ACE: variants seen among roughly 807,000 people sequenced by gnomAD.
ACE encodes angiotensin-converting enzyme.
ACE carries 122 observed loss-of-function variants against 162.3 expected under a neutral mutation model. The observed-to-expected ratio is 0.75, with a 90% CI of 0.65 to 0.87. ACE has a LOEUF of 0.87. ACE is among the 40% of genes least tolerant of loss of function. The pLI, the probability that ACE is intolerant of heterozygous loss-of-function variation, is 0.00. For synonymous variants in ACE, 796 were observed against 720.6 expected, an observed-to-expected ratio of 1.10 and a Z score of -1.68; for missense variants, 1,799 against 1,735.1, an observed-to-expected ratio of 1.04 and a Z score of -0.65.
chr17:63,477,469 C>G (rs1356729892), intron 1 of ACE, 126 bp downstream of exon 1: 2 of 755,242 alleles, frequency 2.6e-6, no homozygotes, highest in Non-Finnish European at 3.3e-6. Flanking sequence ...CGGACCCTCG[C>G]CCCGACAGTC....
chr17:63,491,122 C>G lies in ACE; in HGVS notation c.2739+71C>G. 1.2e-6 allele frequency: 2 copies of G among 1,610,474 alleles called. No individual in the cohort carries two copies. Among genetic ancestry groups the G allele is most frequent in the South Asian group, 2.2e-5 (2 of 90,984 alleles). ...GACCCTCTGATTCAGGAGTTCCCTC[C>G]AGTTTAGCCCTCCCCCGGGATCCCC... On this transcript the variant is annotated intron_variant, in intron 18 of 24. Transcript: ENST00000290866. The surrounding 1 kb of genome is among the most constrained non-coding windows in gnomAD (Gnocchi z 4.4).
chr17:63,491,283 T>A lies in ACE; in HGVS notation c.2814T>A (p.Pro938=). The A allele has an allele frequency of 6.2e-7, 1 of 1,614,144 alleles. No individual in the cohort carries two copies. Among genetic ancestry groups the A allele is most frequent in the Non-Finnish European group, 8.5e-7 (1 of 1,180,028 alleles). Residue 938 remains proline (P), a synonymous_variant, in exon 19 of 25, where the codon CCT becomes CCA. Coordinates refer to ENST00000290866, the MANE Select transcript of ACE (RefSeq NM_000789.4). This position sits in a 1 kb window ranked among gnomAD's most constrained non-coding sequence, Gnocchi z 4.4. ...FTSLGLLPVP[P]EFWNKSMLEK... The stretch of plus-strand genomic sequence containing the variant: ...CCCTGGGGCTGCTGCCCGTGCCTCC[T>A]GAGTTCTGGAACAAGTCGATGCTGG...
chr17:63,478,242 A>G, intron 2 of ACE, 144 bp downstream of exon 2: 1 of 1,068,132 alleles, frequency 9.4e-7, no homozygotes, highest in Non-Finnish European at 1.3e-6. Flanking sequence ...TAAGCACAGA[A>G]TGGCTTTCTG....
At position 63,485,000 on chromosome 17, in the gene ACE, G is replaced by C; in HGVS notation, c.1922-236G>C. ...AGTCACCCATGGGACAAGCAGCCAG[G>C]CAACAACCAGCAGCCAGACAACCAC... On this transcript the variant is annotated intron_variant, in intron 12 of 24. Coordinates refer to ENST00000290866, the MANE Select transcript of ACE (RefSeq NM_000789.4). This position sits in a 1 kb window ranked among gnomAD's most constrained non-coding sequence, Gnocchi z 4.0. 6.2e-7 allele frequency: 1 copy of C among 1,610,282 alleles called. No individual in the cohort carries two copies. Among genetic ancestry groups the C allele is most frequent in the South Asian group, 1.1e-5 (1 of 90,324 alleles).
chr17:63,483,266 C>T lies in ACE; in HGVS notation c.1487+93C>T, dbSNP rs368562227. On this transcript the variant is annotated intron_variant, in intron 9 of 24. Coordinates refer to ENST00000290866, the MANE Select transcript of ACE (RefSeq NM_000789.4). ...CTCCTGCCCCAGCCAGTTCTAGCCT[C>T]TCCTCTCTAATGATGTCCCCCGCTG... 23 of 1,600,130 alleles carry T rather than the reference C, an allele frequency of 1.4e-5. No individual in the cohort carries two copies. In the East Asian group the frequency reaches 1.8e-4, roughly 12 times the overall value.
chr17:63,491,771 A>G lies in ACE; in HGVS notation c.2912+390A>G, dbSNP rs2030401511. Among the ~76,000 whole-genome samples, 1 of 152,050 alleles carries G rather than the reference A, an allele frequency of 6.6e-6. No individual in the cohort carries two copies. Among genetic ancestry groups the G allele is most frequent in the Non-Finnish European group, 1.5e-5 (1 of 67,986 alleles). ...GGGTGCTCTGTACAGATCCACTCTC[A>G]CCCCTGACAGGCTCAGAAGCTGCCT... On this transcript the variant is annotated intron_variant, in intron 19 of 24. Transcript: ENST00000290866. The surrounding 1 kb of genome is among the most constrained non-coding windows in gnomAD (Gnocchi z 4.4).
intron 2 of ACE, chr17:63,478,349 G>A: frequency 3.7e-6 from 2 of 545,550 alleles, no homozygotes; most frequent in South Asian, 4.2e-5. Context: ...TTCTCCCTAG[G>A]CTGGTTTATG....
At chr17:63,480,979 C>A in intron 5 of ACE, 112 bp from the exon 6 acceptor site, 1 of 1,026,604 alleles carries the variant, frequency 9.7e-7, no homozygotes, top group South Asian at 1.3e-5. Context: ...GGCCTGCAGC[C>A]CTTGAGGGCC....
chr17:63,483,567 G>GCGGGGGGGCGCCCCCCCCCCC lies in ACE; in HGVS notation c.1586+10_1586+11insGGGGGGGCGCCCCCCCCCCCC. The GCGGGGGGGCGCCCCCCCCCCC allele has an allele frequency of 1.9e-6, 3 of 1,589,580 alleles. No homozygotes were observed. The highest frequency in any genetic ancestry group is 1.1e-5 in the South Asian group (1 of 90,218). On this transcript the variant is annotated intron_variant, in intron 10 of 24. Transcript: ENST00000290866. ...GTGACACCATACATCAGGTATTAGCGCCCCCACCCCACCCACCCCCAGTAC... is the reference window on the plus strand; with the variant it reads ...GTGACACCATACATCAGGTATTAGCGCGGGGGGGCGCCCCCCCCCCCCCCCCACCCCACCCACCCCCAGTAC...
Position 63,480,363 on chromosome 17 carries a change from C to T in ACE, c.682C>T (p.Arg228Cys), listed in dbSNP as rs141543325. The change falls in exon 5 of 25, where the codon CGC (arginine) becomes TGC (cysteine). Residue 228 changes from arginine to cysteine, a missense_variant. Coordinates refer to ENST00000290866, the MANE Select transcript of ACE (RefSeq NM_000789.4). ...DGFTDTGAYW[R>C]SWYNSPTFED... ...CTTCACAGACACGGGGGCCTACTGG[C>T]GCTCCTGGTACAACTCCCCCACCTT... is the stretch of plus-strand genomic sequence containing the variant. The T allele has an allele frequency of 5.9e-4, 947 of 1,614,024 alleles. 2 individuals carry two copies. Among genetic ancestry groups the T allele is most frequent in the Non-Finnish European group, 7.5e-4 (886 of 1,180,024 alleles).
intron 13 of ACE, 29 bp from the exon 14 acceptor site, chr17:63,486,528 C>T: frequency 6.2e-7 from 1 of 1,613,272 alleles, no homozygotes; most frequent in African/African-American, 1.3e-5. Flanking sequence ...GCTCCTGGGC[C>T]CTGTGACACC....
intron 2 of ACE, 109 bp from the exon 3 acceptor site, chr17:63,478,898 G>A (rs2049661340): frequency 3.2e-5 from 29 of 906,068 alleles, no homozygotes; most frequent in South Asian, 2.2e-4. Context: ...CCACTGAGTG[G>A]CCTTGTCCAA....
intron 13 of ACE, chr17:63,486,352 A>T (rs1367813359): frequency 1.6e-6 from 1 of 628,946 alleles, no homozygotes; most frequent in East Asian, 2.8e-5. Flanking sequence ...GTGTTGCTTG[A>T]CCGCAGGCAT....
Position 63,493,447 on chromosome 17 carries a change from G to C in ACE, c.2924G>C (p.Cys975Ser). ...YNGKDFRIKQ[C>S]TTVNLEDLVV... ...TCCACTATTCCTAGGATCAAGCAGTGCACCACCGTGAACTTGGAGGACCTG... is the reference window on the plus strand; with the variant it reads ...TCCACTATTCCTAGGATCAAGCAGTCCACCACCGTGAACTTGGAGGACCTG... The change falls in exon 20 of 25, where the codon TGC becomes TCC. Residue 975 changes from cysteine to serine, a missense_variant. Coordinates refer to ENST00000290866, the MANE Select transcript of ACE (RefSeq NM_000789.4). 2 of 1,613,954 alleles carry C rather than the reference G, an allele frequency of 1.2e-6. No homozygotes were observed. The highest frequency in any genetic ancestry group is 1.7e-6 in the Non-Finnish European group (2 of 1,179,970).
chr17:63,486,922 G>C, intron 14 of ACE, 64 bp from the exon 15 acceptor site: 2 of 1,507,298 alleles, frequency 1.3e-6, no homozygotes, highest in Non-Finnish European at 1.8e-6. Context: ...CCTGGGGGTA[G>C]TGCAGGCCCC....
At chr17:63,492,995 G>T (rs760174879) in intron 19 of ACE, among the ~76,000 whole-genome samples, 1 of 152,172 alleles carries the variant, frequency 6.6e-6, no homozygotes, top group Non-Finnish European at 1.5e-5. Flanking sequence ...CTGTTGGGCC[G>T]CATGAGATGC....
At chr17:63,480,244 G>C (rs980596453) in intron 4 of ACE, 93 bp from the exon 5 acceptor site, 5 of 1,369,864 alleles carry the variant, frequency 3.7e-6, no homozygotes, top group South Asian at 3.6e-5. Flanking sequence ...GCAGATCCAC[G>C]GGCCTCGAGC....
At chr17:63,489,995 A>G (rs560164322) in intron 17 of ACE, 1 of 152,616 alleles carries the variant, frequency 6.6e-6, no homozygotes, top group Non-Finnish European at 1.5e-5. Context: ...GAGCTGGGGC[A>G]GAGCTGGCCT....
At chr17:63,488,874 A>G (rs1363314188) in intron 16 of ACE, 67 bp from the exon 17 acceptor site, 7 of 1,613,676 alleles carry the variant, frequency 4.3e-6, no homozygotes, top group Admixed American at 3.3e-5. Context: ...AAGCCTAGGA[A>G]AAGGTAGATC....
Sources: allele counts gnomAD v4.1 joint callset (sites outside exome capture counted in the v4.1 genomes callset), GRCh38; gene constraint gnomAD v4.1.1; non-coding constraint Gnocchi (gnomAD v3.1); transcripts MANE v1.5; gene names NCBI Gene and HGNC (gene_info 2026-07-23, HGNC 2026-07-21).